The following KCNQ4 variants were observed in gnomAD, a reference collection of about 807,000 sequenced individuals.
KCNQ4 encodes potassium voltage-gated channel subfamily Q member 4, also known as potassium voltage-gated channel subfamily KQT member 4.
In KCNQ4, 31 loss-of-function variants were observed where a neutral mutation model predicts 72.6. The observed-to-expected ratio is 0.43, with a 90% CI of 0.32 to 0.58. The LOEUF (loss-of-function observed/expected upper bound fraction) is 0.58. Among genes scored for constraint, KCNQ4 ranks in the 20% least tolerant of loss-of-function variants. The pLI is 0.08. For missense variants in KCNQ4, 869 were observed against 962.6 expected, an observed-to-expected ratio of 0.90 and a Z score of 1.29; for synonymous variants, 405 against 403.7, an observed-to-expected ratio of 1.00 and a Z score of -0.04.
chr1:40,784,242 GC>G lies in KCNQ4; in HGVS notation c.154del (p.Leu52CysfsTer87). On this transcript the variant is annotated frameshift_variant, in exon 1 of 14. Transcript: ENST00000347132. LOFTEE classifies it high-confidence loss of function. This position sits in a 1 kb window ranked among gnomAD's most constrained non-coding sequence, Gnocchi z 4.1. Reference sequence around the variant, plus strand: ...CCGCGCCGCCTCGGCCTCCTGGGCAGCCCCCTGCCGCCGGGCGCGCCCCTCC... The same window carrying G: ...CCGCGCCGCCTCGGCCTCCTGGGCAGCCCCTGCCGCCGGGCGCGCCCCTCC... ...GSPRRLGLLG[S>X]PLPPGAPLPG... 7.4e-7 allele frequency: 1 copy of G among 1,356,154 alleles called. No individual in the cohort carries two copies. Among genetic ancestry groups the G allele is most frequent in the Non-Finnish European group, 9.4e-7 (1 of 1,062,052 alleles). 84.0% of individuals were successfully genotyped at this position (1,356,154 alleles called of 1,614,324 possible). A position where few individuals can be genotyped will look rare whatever the true frequency, so the allele number is the denominator to read the frequency against.
rs539777964 is a variant in KCNQ4, at chr1:40,826,742, C to A, written c.1292+2484C>A. 69 of 439,646 alleles carry A rather than the reference C, an allele frequency of 1.6e-4. 3 individuals carry two copies. The highest frequency in any genetic ancestry group is 1.1e-3 in the South Asian group (67 of 63,758). 27.2% of individuals were successfully genotyped at this position (439,646 alleles called of 1,614,324 possible). ...TGTCCCCACTCCTCCTTGCCCCACC[C>A]AATTTGGGGGCTGGAGAGGGGACAG... On this transcript the variant is annotated intron_variant, in intron 9 of 13. Coordinates refer to ENST00000347132, the MANE Select transcript of KCNQ4 (RefSeq NM_004700.4).
At position 40,839,517 on chromosome 1, in the gene KCNQ4, GCCAGTGGACTGGC is replaced by G. The variant is rs954834800; in HGVS notation, c.*996_*1008del. The G allele has an allele frequency of 2.6e-5, 4 of 152,360 alleles. No homozygotes were observed. The highest frequency in any genetic ancestry group is 9.6e-5 in the African/African-American group (4 of 41,572). 9.4% of individuals were successfully genotyped at this position (152,360 alleles called of 1,614,324 possible). ...CCGCTCCTGGGCCTCTGCAGCAGATGCCAGTGGACTGGCCTTGCAGGGTGACGACCACTAAGAG... is the reference window on the plus strand; with the variant it reads ...CCGCTCCTGGGCCTCTGCAGCAGATGCTTGCAGGGTGACGACCACTAAGAG... On this transcript the variant is annotated 3_prime_UTR_variant, in exon 14 of 14. Coordinates refer to ENST00000347132, the MANE Select transcript of KCNQ4 (RefSeq NM_004700.4).
intron 1 of KCNQ4, among the ~76,000 whole-genome samples, chr1:40,807,574 C>A (rs1182304214): frequency 2.6e-5 from 4 of 152,226 alleles, no homozygotes; most frequent in Non-Finnish European, 5.9e-5. Flanking sequence ...ACTGCCCCTC[C>A]CCTTATTCCC....
chr1:40,834,189 C>T (rs183502545), intron 11 of KCNQ4, among the ~76,000 whole-genome samples: 83 of 152,208 alleles, frequency 5.5e-4, no homozygotes, highest in African/African-American at 1.9e-3. Flanking sequence ...GCCACCCCAC[C>T]GACCTCTCAG....
At chr1:40,811,877 C>G (rs72661510) in intron 1 of KCNQ4, among the ~76,000 whole-genome samples, 20,583 of 152,240 alleles carry the variant, frequency 0.14, 1,976 homozygotes, top group East Asian at 0.49. Flanking sequence ...GGCCAGCCAG[C>G]ACCCATGTTT....
intron 1 of KCNQ4, among the ~76,000 whole-genome samples, chr1:40,805,899 TGGC>T (rs1307641549): frequency 1.3e-5 from 2 of 152,278 alleles, no homozygotes; most frequent in East Asian, 3.9e-4. Flanking sequence ...TGGAGTGCAG[TGGC>T]GCAATCTCGG....
At chr1:40,826,835 C>T (rs535422694) in intron 9 of KCNQ4, 79 of 353,632 alleles carry the variant, frequency 2.2e-4, no homozygotes, top group African/African-American at 1.6e-3. Context: ...GTGAACCCCT[C>T]GCCTTTCTGG....
chr1:40,796,685 G>T (rs536440013), intron 1 of KCNQ4, among the ~76,000 whole-genome samples: 1 of 152,194 alleles, frequency 6.6e-6, no homozygotes, highest in Non-Finnish European at 1.5e-5. Context: ...GGGAGGCAGA[G>T]GCAGGCAGAC....
intron 1 of KCNQ4, among the ~76,000 whole-genome samples, chr1:40,793,770 G>T (rs1268716981): frequency 1.3e-5 from 2 of 152,154 alleles, no homozygotes; most frequent in East Asian, 3.9e-4. Flanking sequence ...CCCCTCTTCT[G>T]CCCACTGCAT....
At chr1:40,838,040 C>A (rs1375191779) in intron 13 of KCNQ4, among the ~76,000 whole-genome samples, 3 of 150,922 alleles carry the variant, frequency 2.0e-5, no homozygotes, top group Non-Finnish European at 4.4e-5. Context: ...TACCTCAGTT[C>A]CCCCTACTCC....
chr1:40,831,662 A>G (rs116435667), intron 10 of KCNQ4, among the ~76,000 whole-genome samples: 2,595 of 152,324 alleles, frequency 0.017, 34 homozygotes, highest in Non-Finnish European at 0.028. Flanking sequence ...CAATAATAGC[A>G]TCCACTTCCT....
chr1:40,833,119 A>G lies in KCNQ4; in HGVS notation c.1613+6A>G. Reference sequence around the variant, plus strand: ...ACAGTCATCCGCTCCATCAGGTAAGACTGAGGCCTGAGGCGAGCACCCCCC... The same window carrying G: ...ACAGTCATCCGCTCCATCAGGTAAGGCTGAGGCCTGAGGCGAGCACCCCCC... On this transcript the variant is annotated splice_donor_region_variant and intron_variant, in intron 11 of 13. Transcript: ENST00000347132. 6.2e-7 allele frequency: 1 copy of G among 1,607,336 alleles called. No homozygotes were observed. Among genetic ancestry groups the G allele is most frequent in the Non-Finnish European group, 8.5e-7 (1 of 1,177,318 alleles).
rs114855164 is a variant in KCNQ4 at position 40,830,070 on chromosome 1, G to A, written c.1293-1014G>A. The stretch of plus-strand genomic sequence containing the variant: ...TGCATGTGTAGACGTGCACGTACAC[G>A]TTCACATGCACACAGACTGTGTAAA... On this transcript the variant is annotated intron_variant, in intron 9 of 13. Coordinates refer to ENST00000347132, the MANE Select transcript of KCNQ4 (RefSeq NM_004700.4). Among the ~76,000 whole-genome samples, 489 of 152,270 alleles carry A rather than the reference G, an allele frequency of 3.2e-3. 2 individuals carry two copies. Among genetic ancestry groups the A allele is most frequent in the African/African-American group, 0.011 (458 of 41,536 alleles).
chr1:40,798,826 C>T lies in KCNQ4; in HGVS notation c.314+14419C>T, dbSNP rs75269975. Among the ~76,000 whole-genome samples the T allele has an allele frequency of 1.5e-3, 235 of 152,350 alleles. 6 individuals are homozygous for T. The East Asian group carries it at 0.04, about 26-fold the overall frequency. On this transcript the variant is annotated intron_variant, in intron 1 of 13. Transcript: ENST00000347132. Reference sequence around the variant, plus strand: ...TTTGGACCTGGCTGCAGCTGCTGCCCGTGGGGGAAGGGGACCTTGCCACTT... The same window carrying T: ...TTTGGACCTGGCTGCAGCTGCTGCCTGTGGGGGAAGGGGACCTTGCCACTT...
chr1:40,785,749 TCG>T (rs1265502616), intron 1 of KCNQ4, among the ~76,000 whole-genome samples: 3 of 152,042 alleles, frequency 2.0e-5, no homozygotes, highest in Admixed American at 1.3e-4. Flanking sequence ...GGCCTGTTTC[TCG>T]GGTGCTTGCT....
At chr1:40,837,921 C>A (rs894257247) in intron 13 of KCNQ4, 127 bp downstream of exon 13, 178 of 1,329,074 alleles carry the variant, frequency 1.3e-4, no homozygotes, top group Non-Finnish European at 1.8e-4. Flanking sequence ...GAGCCCCCTC[C>A]CCGGCCGAAG....
chr1:40,832,880 A>G (rs1648692287), intron 10 of KCNQ4, 134 bp from the exon 11 acceptor site: 3 of 717,732 alleles, frequency 4.2e-6, no homozygotes, highest in Admixed American at 2.0e-5. Context: ...AGGAGCCCCA[A>G]GAAGGTTCTG....
intron 9 of KCNQ4, chr1:40,826,827 G>T (rs1278272149): frequency 2.8e-6 from 1 of 360,726 alleles, no homozygotes. Context: ...GGTGCCCAGT[G>T]AACCCCTCGC....
chr1:40,829,107 T>C (rs924824208), intron 9 of KCNQ4, among the ~76,000 whole-genome samples: 2 of 152,224 alleles, frequency 1.3e-5, no homozygotes, highest in African/African-American at 4.8e-5. Flanking sequence ...CAGAACGCCA[T>C]TGGAGCCTTA....
Sources: gnomAD v4.1 joint callset for allele counts (sites outside exome capture counted in the v4.1 genomes callset) on GRCh38, gnomAD v4.1.1 for gene constraint, Gnocchi (gnomAD v3.1) non-coding constraint, MANE v1.5 for transcripts, NCBI Gene and HGNC (gene_info 2026-07-23, HGNC 2026-07-21) for gene names.